The following RNPS1 variants were observed in gnomAD, a reference collection of about 807,000 sequenced individuals.
The protein encoded by RNPS1 is RNA-binding protein with serine-rich domain 1.
For synonymous variants in RNPS1, 147 were observed against 150.0 expected (o/e 0.98, Z 0.15); for missense variants, 300 against 427.6 (o/e 0.70, Z 2.63).
chr16:2,259,910 T>G (rs183239148), intron 6 of RNPS1, among the ~76,000 whole-genome samples: 1 of 152,220 alleles, frequency 6.6e-6, no homozygotes, highest in Admixed American at 6.5e-5. Context: ...AGGTAAAGCG[T>G]TCATTAATAT....
Position 2,253,540 on chromosome 16 carries a change from G to A in RNPS1, c.*424C>T. ...GCCAGGCCTAACAGGGTTGGCAGCT[G>A]CACTAAAGCCTGGGGCAGCTCCCTT... is the stretch of plus-strand genomic sequence containing the variant. On this transcript the variant is annotated 3_prime_UTR_variant, in exon 8 of 8. Transcript: ENST00000320225. 1 of 315,648 alleles carries A rather than the reference G, an allele frequency of 3.2e-6. No homozygotes were observed. The allele number at this position is 315,648 out of a possible 1,614,324, so 19.6% of individuals were successfully genotyped here. A position where few individuals can be genotyped will look rare whatever the true frequency, so the allele number is the denominator to read the frequency against.
intron 3 of RNPS1, 95 bp from the exon 4 acceptor site, chr16:2,263,382 T>C (rs761722473): frequency 1.1e-5 from 14 of 1,298,672 alleles, no homozygotes; most frequent in African/African-American, 1.5e-5. Flanking sequence ...AGGAGAAACC[T>C]GCTGTTCGGG....
chr16:2,260,256 A>G (rs938124337), intron 6 of RNPS1, among the ~76,000 whole-genome samples: 15 of 149,162 alleles, frequency 1.0e-4, no homozygotes, highest in Admixed American at 7.5e-4. Flanking sequence ...CCTAGGTTCA[A>G]GCAATTCTCC....
chr16:2,256,097 C>T (rs1385698174), intron 6 of RNPS1: 1 of 207,210 alleles, frequency 4.8e-6, no homozygotes, highest in African/African-American at 2.4e-5. Flanking sequence ...TACACTCCAG[C>T]CTGGGTAACA....
chr16:2,264,728 C>A lies in RNPS1; in HGVS notation c.-85G>T, dbSNP rs2093618105. 6.3e-7 allele frequency: 1 copy of A among 1,580,702 alleles called. No homozygotes were observed. Among genetic ancestry groups the A allele is most frequent in the Admixed American group, 1.8e-5 (1 of 56,100 alleles). On this transcript the variant is annotated 5_prime_UTR_variant, in exon 2 of 8. Coordinates refer to ENST00000320225, the MANE Select transcript of RNPS1 (RefSeq NM_080594.4). ...TCTAACTTGATTCTGAGAAACGATC[C>A]CTAATCGATTGCAATTTACGCCAAA...
intron 5 of RNPS1, 122 bp from the exon 6 acceptor site, chr16:2,262,553 G>C: frequency 9.1e-7 from 1 of 1,103,558 alleles, no homozygotes; most frequent in Non-Finnish European, 1.3e-6. Flanking sequence ...ATGAGTACCA[G>C]TGTTGTTCTG....
intron 4 of RNPS1, 118 bp downstream of exon 4, chr16:2,262,978 C>G (rs2093609365): frequency 7.5e-7 from 1 of 1,325,030 alleles, no homozygotes; most frequent in African/African-American, 1.5e-5. Flanking sequence ...ATACATTATT[C>G]CTGTCTCAGA....
chr16:2,266,591 T>C, intron 1 of RNPS1: 7 of 985,348 alleles, frequency 7.1e-6, no homozygotes, highest in Non-Finnish European at 8.4e-6. Context: ...GCAAGAGTTG[T>C]ATCTCCACGT....
chr16:2,266,238 C>G (rs1209809470), intron 1 of RNPS1: 2 of 985,324 alleles, frequency 2.0e-6, no homozygotes, highest in Non-Finnish European at 2.4e-6. Context: ...AAGAAAAGCA[C>G]CTGGCTTTGA....
At chr16:2,262,234 G>A (rs373841504) in intron 6 of RNPS1, 44 bp downstream of exon 6, 21 of 1,581,382 alleles carry the variant, frequency 1.3e-5, no homozygotes, top group Admixed American at 8.8e-5. Flanking sequence ...CCCTCGCGGC[G>A]GCGGGTCTCT....
At chr16:2,262,574 C>G in intron 5 of RNPS1, 143 bp from the exon 6 acceptor site, 3 of 1,042,036 alleles carry the variant, frequency 2.9e-6, no homozygotes, top group Non-Finnish European at 2.8e-6. Flanking sequence ...GGATAAATCT[C>G]CCAGACACAT....
Position 2,263,774 on chromosome 16 carries a change from G to A in RNPS1, c.227+402C>T, listed in dbSNP as rs535070211. The A allele has an allele frequency of 7.5e-5, 19 of 254,056 alleles. No homozygotes were observed. The East Asian group carries it at 9.7e-4, about 13-fold the overall frequency. The allele number at this position is 254,056 out of a possible 1,614,324, so 15.7% of individuals were successfully genotyped here. ...AGTACAGGCGTGTACCACCACACCC[G>A]GCTAGTTTTGTTTATTTTCCTCAAA... On this transcript the variant is annotated intron_variant, in intron 3 of 7. Transcript: ENST00000320225.
chr16:2,267,150 G>A (rs1180273593), intron 1 of RNPS1: 16 of 979,086 alleles, frequency 1.6e-5, no homozygotes, highest in Non-Finnish European at 1.9e-5. Context: ...GTGCTAGAAA[G>A]CAAAAGTTGA....
intron 3 of RNPS1, among the ~76,000 whole-genome samples, chr16:2,263,535 G>A (rs1392616304): frequency 6.6e-6 from 1 of 152,208 alleles, no homozygotes; most frequent in Non-Finnish European, 1.5e-5. Context: ...AGCCTTTCCT[G>A]CTGGGAGGCA....
rs2093617414 is a variant in RNPS1, at chr16:2,264,591, T to C, written c.53A>G (p.Asn18Ser). 1 of 1,613,564 alleles carries C rather than the reference T, an allele frequency of 6.2e-7. No homozygotes were observed. Among genetic ancestry groups the C allele is most frequent in the Non-Finnish European group, 8.5e-7 (1 of 1,179,844 alleles). ...KKSLLGVKEN[N>S]KKSSTRAPSP... is the part of the protein sequence containing the mutation. ...GGATTACCTAGTGCTGGACTTTTTA[T>C]TATTTTCTTTGACTCCTAGCAAGCT... is the stretch of plus-strand genomic sequence containing the variant. Residue 18 changes from asparagine to serine, a missense_variant, in exon 2 of 8, where the codon AAT becomes AGT. Coordinates refer to ENST00000320225, the MANE Select transcript of RNPS1 (RefSeq NM_080594.4).
rs2093563838 is a variant in RNPS1 at position 2,253,919 on chromosome 16, C to G, written c.*45G>C. ...TGGCTAGAAAAGTGACAAAACTGAGCTGGGTGGGGTATAAGTTACAGGGGC... is the reference window on the plus strand; with the variant it reads ...TGGCTAGAAAAGTGACAAAACTGAGGTGGGTGGGGTATAAGTTACAGGGGC... On this transcript the variant is annotated 3_prime_UTR_variant, in exon 8 of 8. Transcript: ENST00000320225. The G allele has an allele frequency of 2.7e-6, 4 of 1,496,304 alleles. No individual in the cohort carries two copies. The highest frequency in any genetic ancestry group is 3.6e-6 in the Non-Finnish European group (4 of 1,096,830). 92.7% of individuals were successfully genotyped at this position (1,496,304 alleles called of 1,614,324 possible).
intron 2 of RNPS1, 109 bp from the exon 3 acceptor site, chr16:2,264,440 CCA>C: frequency 6.4e-7 from 1 of 1,555,852 alleles, no homozygotes; most frequent in Non-Finnish European, 8.8e-7. Context: ...CCCGAGGTGA[CCA>C]CAGAGCAAAG....
At chr16:2,264,031 C>T (rs2093614536) in intron 3 of RNPS1, 145 bp downstream of exon 3, 2 of 979,930 alleles carry the variant, frequency 2.0e-6, no homozygotes, top group Non-Finnish European at 1.5e-6. Flanking sequence ...CTGCACCTAG[C>T]CAGTCTGCCA....
chr16:2,262,197 A>T, intron 6 of RNPS1, 81 bp downstream of exon 6: 1 of 1,386,888 alleles, frequency 7.2e-7, no homozygotes, highest in East Asian at 2.3e-5. Flanking sequence ...AAAGAAGTGC[A>T]GCCCAGTTGG....
Sources: allele counts gnomAD v4.1 joint callset (sites outside exome capture counted in the v4.1 genomes callset), GRCh38; gene constraint gnomAD v4.1.1; transcripts MANE v1.5; gene names NCBI Gene and HGNC (gene_info 2026-07-23, HGNC 2026-07-21).